Variants in ZNF469 observed in about 807,000 individuals in gnomAD.
ZNF469 encodes zinc finger protein 469.
Under a neutral mutation model 1.0 loss-of-function variants are expected in ZNF469, and 1 was observed. The observed-to-expected ratio is 1.00, with a 90% confidence interval of 0.35 to 4.73. The LOEUF is 4.73. Ranked by LOEUF, ZNF469 falls within the 30% of genes most tolerant of loss-of-function variation. ZNF469 has a pLI of 0.16. For synonymous variants in ZNF469, 2,703 were observed against 2,363.4 expected (o/e 1.14, Z -4.17); for missense variants, 6,100 against 5,356.3 (o/e 1.14, Z -4.33).
At position 88,432,439 on chromosome 16, in the gene ZNF469, A is replaced by C. The variant is rs996995845; in HGVS notation, c.4969A>C (p.Thr1657Pro). The change falls in exon 3 of 3, where the codon ACG (threonine) becomes CCG (proline). Residue 1657 changes from threonine (T) to proline (P), a missense_variant. Coordinates refer to ENST00000565624, the MANE Select transcript of ZNF469 (RefSeq NM_001367624.2). ...AGCGGTTCAGGGGAGGCCTGGGGGG[A>C]CGTGGCCCTGCCCAGCCTCCTTCCA... is the stretch of plus-strand genomic sequence containing the variant. ...VEAVQGRPGGTWPCPASFHPG... is the reference protein window; with the variant it reads ...VEAVQGRPGGPWPCPASFHPG... The C allele has an allele frequency of 1.5e-5, 23 of 1,549,870 alleles. No individual in the cohort carries two copies. The Admixed American group carries it at 4.3e-4, about 29-fold the overall frequency.
the ZNF469 span, among the ~76,000 whole-genome samples, chr16:88,137,089 C>A: frequency 1.7e-4 from 26 of 152,212 alleles, no homozygotes; most frequent in Admixed American, 7.8e-4. Context: ...GTGTGTGCAA[C>A]CATGCATGTG....
At chr16:88,256,894 C>CTTTT in the ZNF469 span, among the ~76,000 whole-genome samples, 1 of 51,564 alleles carries the variant, frequency 1.9e-5, no homozygotes, top group East Asian at 4.3e-4. Flanking sequence ...TCTTTTCTTT[C>CTTTT]CTTCTTTCTT....
the ZNF469 span, among the ~76,000 whole-genome samples, chr16:88,249,375 C>G: frequency 6.7e-6 from 1 of 150,148 alleles, no homozygotes; most frequent in South Asian, 2.1e-4. Flanking sequence ...CAAGATGGGA[C>G]TACACCACAA....
the ZNF469 span, among the ~76,000 whole-genome samples, chr16:88,332,938 C>A: frequency 6.6e-6 from 1 of 152,228 alleles, no homozygotes; most frequent in Admixed American, 6.5e-5. Context: ...TTCCCACCCC[C>A]CTGTCAGAGC....
chr16:88,131,196 C>T, the ZNF469 span, among the ~76,000 whole-genome samples: 4,968 of 151,758 alleles, frequency 0.033, no homozygotes, highest in African/African-American at 0.11. Flanking sequence ...CATTCCGTGT[C>T]GAGTAAGGCG....
chr16:88,402,857 G>A lies in ZNF469; in HGVS notation c.-192+19603G>A, dbSNP rs535572219. 1.1e-4 allele frequency among the ~76,000 whole-genome samples: 17 copies of A among 152,306 alleles called. 1 individual carries two copies. Among genetic ancestry groups the A allele is most frequent in the African/African-American group, 3.6e-4 (15 of 41,558 alleles). ...AACCGAGACAGGCCAGGCTGGGGCAGCGGTTGGCCCAGGGTCACTCCACCA... is the reference window on the plus strand; with the variant it reads ...AACCGAGACAGGCCAGGCTGGGGCAACGGTTGGCCCAGGGTCACTCCACCA... On this transcript the variant is annotated intron_variant, in intron 1 of 2. Coordinates refer to ENST00000565624, the MANE Select transcript of ZNF469 (RefSeq NM_001367624.2).
At chr16:88,140,587 C>G in the ZNF469 span, among the ~76,000 whole-genome samples, 15 of 152,214 alleles carry the variant, frequency 9.9e-5, no homozygotes, top group Non-Finnish European at 1.5e-4. Context: ...AAAATATACT[C>G]TAAAACTGTG....
At position 88,428,762 on chromosome 16, in the gene ZNF469, G is replaced by A. The variant is rs1240093482; in HGVS notation, c.1292G>A (p.Gly431Glu). 3 of 1,545,676 alleles carry A rather than the reference G, an allele frequency of 1.9e-6. No individual in the cohort carries two copies. The highest frequency in any genetic ancestry group is 2.6e-6 in the Non-Finnish European group (3 of 1,145,914). The change falls in exon 3 of 3, where the codon GGG becomes GAG. Residue 431 changes from glycine (G) to glutamate (E), a missense_variant. Physicochemically the swap from Gly to Glu is moderately conservative, Grantham distance 98. Transcript: ENST00000565624. ...CCGGACACCGAGCTGGCCGCCCCAG[G>A]GCCCCCACCCGCCAGGCTGCCCCAG... ...GPPDTELAAP[G>E]PPPARLPQLW...
rs925204910 is a variant in ZNF469, at chr16:88,437,869, G to A, written c.10399G>A (p.Glu3467Lys). Residue 3467 changes from glutamate (E) to lysine (K), a missense_variant, in exon 3 of 3, where the codon GAG (glutamate) becomes AAG (lysine). Physicochemically the swap from Glu to Lys is moderately conservative, Grantham distance 56. Coordinates refer to ENST00000565624, the MANE Select transcript of ZNF469 (RefSeq NM_001367624.2). Reference sequence around the variant, plus strand: ...GCCGGGACAGAAGGCCCGGGCCCTCGAGGGCACACTGCCCAGCAAACGGCG... The same window carrying A: ...GCCGGGACAGAAGGCCCGGGCCCTCAAGGGCACACTGCCCAGCAAACGGCG... ...GAPGQKARAL[E>K]GTLPSKRRRV... 7 of 1,539,320 alleles carry A rather than the reference G, an allele frequency of 4.5e-6. No homozygotes were observed. The highest frequency in any genetic ancestry group is 1.4e-5 in the African/African-American group (1 of 72,818).
At chr16:88,239,687 A>G in the ZNF469 span, among the ~76,000 whole-genome samples, 52 of 8,536 alleles carry the variant, frequency 6.1e-3, 3 homozygotes, top group African/African-American at 0.013. Flanking sequence ...ATATATATAT[A>G]TATATATATA....
At chr16:88,294,480 GC>G in the ZNF469 span, among the ~76,000 whole-genome samples, 3 of 152,176 alleles carry the variant, frequency 2.0e-5, no homozygotes, top group South Asian at 2.1e-4. Context: ...CTGGGTTCCT[GC>G]CTCCTGCCCT....
At chr16:88,312,997 T>A in the ZNF469 span, among the ~76,000 whole-genome samples, 1 of 152,250 alleles carries the variant, frequency 6.6e-6, no homozygotes, top group Admixed American at 6.5e-5. Flanking sequence ...AAAAAGGAGC[T>A]GATTGACTCT....
chr16:88,252,341 T>C, the ZNF469 span, among the ~76,000 whole-genome samples: 46 of 151,068 alleles, frequency 3.0e-4, no homozygotes, highest in Non-Finnish European at 4.4e-4. Flanking sequence ...TGTATGTATA[T>C]ACTCCACACC....
chr16:88,381,056 G>A (rs373793057), upstream of ZNF469, among the ~76,000 whole-genome samples: 2,663 of 90,240 alleles, frequency 0.03, 141 homozygotes, highest in African/African-American at 0.11. Flanking sequence ...ACACAGACAC[G>A]CTCTCACACA....
At chr16:88,211,103 A>T in the ZNF469 span, among the ~76,000 whole-genome samples, 1 of 152,192 alleles carries the variant, frequency 6.6e-6, no homozygotes, top group Non-Finnish European at 1.5e-5. Flanking sequence ...TGTTTTCCTT[A>T]AATAGTTTTT....
chr16:88,337,037 C>T, the ZNF469 span, among the ~76,000 whole-genome samples: 1 of 152,214 alleles, frequency 6.6e-6, no homozygotes, highest in African/African-American at 2.4e-5. Flanking sequence ...CACTCCTCTT[C>T]GTGGCTGAAA....
intron 1 of ZNF469, among the ~76,000 whole-genome samples, chr16:88,401,381 T>C (rs150223920): frequency 1.0e-4 from 15 of 147,878 alleles, no homozygotes; most frequent in African/African-American, 3.5e-4. Context: ...AGGGCTAGAA[T>C]AGAGTACTTG....
At chr16:88,425,195 C>A (rs1327693362) in intron 2 of ZNF469, among the ~76,000 whole-genome samples, 1 of 152,206 alleles carries the variant, frequency 6.6e-6, no homozygotes, top group Non-Finnish European at 1.5e-5. Context: ...CTCAACACTC[C>A]TCCCCACCAT....
In ZNF469 at chr16:88,437,860, C is replaced by G; in HGVS notation, c.10390C>G (p.Arg3464Gly). The change falls in exon 3 of 3, where the codon CGG becomes GGG. Residue 3464 changes from arginine to glycine, a missense_variant. Transcript: ENST00000565624. ...RRPGAPGQKA[R>G]ALEGTLPSKR... Reference sequence around the variant, plus strand: ...GCCGGGAGCGCCGGGACAGAAGGCCCGGGCCCTCGAGGGCACACTGCCCAG... The same window carrying G: ...GCCGGGAGCGCCGGGACAGAAGGCCGGGGCCCTCGAGGGCACACTGCCCAG... 1 of 1,539,348 alleles carries G rather than the reference C, an allele frequency of 6.5e-7. No homozygotes were observed. Among genetic ancestry groups the G allele is most frequent in the South Asian group, 1.2e-5 (1 of 83,690 alleles).
Sources: allele counts gnomAD v4.1 joint callset (sites outside exome capture counted in the v4.1 genomes callset), GRCh38; gene constraint gnomAD v4.1.1; transcripts MANE v1.5; gene names NCBI Gene and HGNC (gene_info 2026-07-23, HGNC 2026-07-21).